The following MYOCOS variants were observed in gnomAD, a reference collection of about 807,000 sequenced individuals.
The protein encoded by MYOCOS is myocilin opposite strand protein.
chr1:171,608,408 CT>C (rs34773729), intron 1 of MYOCOS, among the ~76,000 whole-genome samples: 2,840 of 51,128 alleles, frequency 0.056, 8 homozygotes, highest in East Asian at 0.1. Flanking sequence ...GGGAACCAGA[CT>C]TTTTTTTTTT....
chr1:171,602,222 G>A (rs989177447), intron 1 of MYOCOS, among the ~76,000 whole-genome samples: 6 of 151,984 alleles, frequency 3.9e-5, no homozygotes, highest in African/African-American at 9.7e-5. Context: ...AATTGTGTGC[G>A]AAAGTCGTGA....
chr1:171,620,695 C>A (rs1422104712), upstream of MYOCOS, among the ~76,000 whole-genome samples: 1 of 151,954 alleles, frequency 6.6e-6, no homozygotes, highest in Non-Finnish European at 1.5e-5. Context: ...TCACCTGTAG[C>A]CTGGAAGCTC....
chr1:171,604,977 A>G (rs529418786), intron 1 of MYOCOS, among the ~76,000 whole-genome samples: 85 of 152,326 alleles, frequency 5.6e-4, no homozygotes, highest in African/African-American at 2.0e-3. Context: ...ATCCTAGCAT[A>G]AACATCCTAA....
chr1:171,618,703 G>A (rs1014550886), upstream of MYOCOS, among the ~76,000 whole-genome samples: 1 of 152,202 alleles, frequency 6.6e-6, no homozygotes, highest in African/African-American at 2.4e-5. Flanking sequence ...TGCCTCCCGA[G>A]TAGCTGGGAT....
At chr1:171,619,840 AAAAAG>A (rs895386074), upstream of MYOCOS, among the ~76,000 whole-genome samples, 2 of 151,452 alleles carry the variant, frequency 1.3e-5, no homozygotes, top group African/African-American at 2.4e-5. Context: ...CAAAAAAAAA[AAAAAG>A]AAAAGAAAAG....
chr1:171,620,335 A>T (rs1652536344), upstream of MYOCOS, among the ~76,000 whole-genome samples: 1 of 152,080 alleles, frequency 6.6e-6, no homozygotes, highest in South Asian at 2.1e-4. Context: ...CTCTGGCATA[A>T]TATTATGAGA....
At chr1:171,602,264 A>C (rs1413417041) in intron 1 of MYOCOS, among the ~76,000 whole-genome samples, 3 of 152,138 alleles carry the variant, frequency 2.0e-5, no homozygotes, top group Non-Finnish European at 4.4e-5. Context: ...TTATGCAAAA[A>C]ATGTTGTATA....
intron 2 of MYOCOS, among the ~76,000 whole-genome samples, chr1:171,616,030 C>CAACGTGGTG (rs1288979508): frequency 6.6e-6 from 1 of 151,984 alleles, no homozygotes; most frequent in Non-Finnish European, 1.5e-5. Context: ...CCAGCCTGGC[C>CAACGTGGTG]AACGTGGTGA....
chr1:171,622,218 G>A (rs920260958), upstream of MYOCOS: 1 of 152,204 alleles, frequency 6.6e-6, no homozygotes, highest in African/African-American at 2.4e-5. Context: ...ACTAGCATCT[G>A]AGATAGCGCT....
upstream of MYOCOS, among the ~76,000 whole-genome samples, chr1:171,620,953 A>G (rs1299321123): frequency 6.6e-6 from 1 of 151,830 alleles, no homozygotes. Flanking sequence ...TATTTTTAGT[A>G]GAGACGGGGT....
At chr1:171,609,179 T>C (rs986482471) in intron 1 of MYOCOS, among the ~76,000 whole-genome samples, 1 of 152,222 alleles carries the variant, frequency 6.6e-6, no homozygotes, top group African/African-American at 2.4e-5. Context: ...TCTAAGCCCT[T>C]GGTCACTTTG....
At chr1:171,626,020 G>T (rs74372990) in intron 2 of MYOCOS, among the ~76,000 whole-genome samples, 390 of 151,484 alleles carry the variant, frequency 2.6e-3, no homozygotes, top group African/African-American at 9.0e-3. Context: ...AGCTTGGAAA[G>T]ATGTCCTCTG....
intron 1 of MYOCOS, among the ~76,000 whole-genome samples, chr1:171,601,344 T>G (rs1451740026): frequency 1.3e-5 from 2 of 152,230 alleles, no homozygotes; most frequent in Non-Finnish European, 2.9e-5. Context: ...TAGTTTTGAC[T>G]TGGCTTGAAT....
intron 1 of MYOCOS, among the ~76,000 whole-genome samples, chr1:171,608,400 G>A (rs1284459785): frequency 7.1e-6 from 1 of 140,116 alleles, no homozygotes; most frequent in African/African-American, 2.7e-5. Flanking sequence ...TGAGTCCAGG[G>A]AACCAGACTT....
chr1:171,617,605 C>T (rs984882283), upstream of MYOCOS, among the ~76,000 whole-genome samples: 3 of 151,980 alleles, frequency 2.0e-5, no homozygotes, highest in African/African-American at 4.8e-5. Flanking sequence ...CTGAGTGATA[C>T]GAGACATGTT....
chr1:171,624,474 T>A (rs936437833), intron 2 of MYOCOS, among the ~76,000 whole-genome samples: 1 of 143,626 alleles, frequency 7.0e-6, no homozygotes, highest in African/African-American at 2.7e-5. Context: ...TGAGACGGAG[T>A]CTCTCTCTGT....
chr1:171,606,927 A>C (rs61416201), intron 1 of MYOCOS, among the ~76,000 whole-genome samples: 12,146 of 151,964 alleles, frequency 0.08, 1,647 homozygotes, highest in African/African-American at 0.28. Flanking sequence ...CCCCATCTCT[A>C]CTAAAAATAC....
Position 171,608,408 on chromosome 1 carries a change from C to CTTTTTT in MYOCOS, c.-251-6368_-251-6363dup, listed in dbSNP as rs34773729. 2.3e-3 allele frequency among the ~76,000 whole-genome samples: 120 copies of CTTTTTT among 51,380 alleles called. 34 individuals are homozygous for CTTTTTT. Among genetic ancestry groups the CTTTTTT allele is most frequent in the African/African-American group, 1.0e-2 (115 of 11,552 alleles). 33.7% of individuals were successfully genotyped at this position (51,380 alleles called of 152,430 possible). A position where few individuals can be genotyped will look rare whatever the true frequency, so the allele number is the denominator to read the frequency against. On this transcript the variant is annotated intron_variant, in intron 1 of 3. Coordinates refer to the MYOCOS transcript ENST00000636697. ...CTGGCCTTGAGTCCAGGGAACCAGA[C>CTTTTTT]TTTTTTTTTTTTTTTTTTTTTTTTT...
At chr1:171,606,117 AAC>A (rs1224738096) in intron 1 of MYOCOS, among the ~76,000 whole-genome samples, 2 of 152,218 alleles carry the variant, frequency 1.3e-5, no homozygotes, top group African/African-American at 4.8e-5. Context: ...GAGGATTTAA[AAC>A]TCTTATAATA....
Sources: gnomAD v4.1 joint callset for allele counts (sites outside exome capture counted in the v4.1 genomes callset) on GRCh38, gnomAD v4.1.1 for gene constraint, MANE v1.5 for transcripts, NCBI Gene and HGNC (gene_info 2026-07-23, HGNC 2026-07-21) for gene names.